Variants in EPHB1 observed in about 807,000 individuals in gnomAD.
The protein encoded by EPHB1 is EPH receptor B1.
Under a neutral mutation model 94.4 loss-of-function variants are expected in EPHB1, and 30 were observed. That is an observed-to-expected ratio of 0.32 (90% CI 0.24 to 0.43). The LOEUF (loss-of-function observed/expected upper bound fraction) is 0.43. Among genes scored for constraint, EPHB1 ranks in the 20% least tolerant of loss-of-function variants. The pLI is 1.00. For synonymous variants in EPHB1, 522 were observed against 489.1 expected, an observed-to-expected ratio of 1.07 and a Z score of -0.89; for missense variants, 1,055 against 1,308.3, an observed-to-expected ratio of 0.81 and a Z score of 2.99.
At chr3:134,999,139 G>A (rs1935093007) in intron 3 of EPHB1, among the ~76,000 whole-genome samples, 1 of 152,190 alleles carries the variant, frequency 6.6e-6, no homozygotes, top group Non-Finnish European at 1.5e-5. Flanking sequence ...CCATGATGGA[G>A]ACAACCCCTT....
chr3:135,046,151 A>T (rs1035973985), intron 3 of EPHB1, among the ~76,000 whole-genome samples: 5 of 152,218 alleles, frequency 3.3e-5, no homozygotes, highest in African/African-American at 9.6e-5. Context: ...TTTTTCATAA[A>T]AATATGTTCT....
intron 3 of EPHB1, among the ~76,000 whole-genome samples, chr3:135,038,420 G>C (rs1315143738): frequency 1.3e-5 from 2 of 152,188 alleles, no homozygotes; most frequent in Non-Finnish European, 2.9e-5. Flanking sequence ...CTGCTCCTCT[G>C]CAAGAGGGGA....
intron 3 of EPHB1, among the ~76,000 whole-genome samples, chr3:135,051,851 G>T (rs1055240660): frequency 1.3e-5 from 2 of 152,154 alleles, no homozygotes; most frequent in African/African-American, 4.8e-5. Context: ...AATCACCTTA[G>T]AATGTTGTTA....
At chr3:134,978,198 T>TCAA (rs765936284) in intron 3 of EPHB1, 4 of 312,066 alleles carry the variant, frequency 1.3e-5, no homozygotes, top group Non-Finnish European at 2.5e-5. Flanking sequence ...GTGGAAGAGC[T>TCAA]CAACCTTCCC....
At chr3:134,796,353 C>A (rs79798930) in intron 1 of EPHB1, 7,361 of 154,320 alleles carry the variant, frequency 0.048, 438 homozygotes, top group African/African-American at 0.14. Context: ...GAGGTGGAAA[C>A]CCTTTTCGCC....
chr3:135,104,350 G>A (rs767615630), intron 3 of EPHB1, among the ~76,000 whole-genome samples: 1 of 152,202 alleles, frequency 6.6e-6, no homozygotes, highest in Non-Finnish European at 1.5e-5. Flanking sequence ...GTAAGCCAGA[G>A]TCTCCTCGGA....
At chr3:135,149,035 G>A (rs750105756) in intron 5 of EPHB1, among the ~76,000 whole-genome samples, 9 of 152,152 alleles carry the variant, frequency 5.9e-5, no homozygotes, top group Admixed American at 6.6e-5. Context: ...TGTTGGGTCA[G>A]CCTCTTCATT....
intron 3 of EPHB1, among the ~76,000 whole-genome samples, chr3:134,973,000 G>T (rs1242077756): frequency 1.3e-5 from 2 of 152,198 alleles, no homozygotes; most frequent in Non-Finnish European, 2.9e-5. Context: ...GGCCCAGGGG[G>T]GTTGGTCTGG....
At chr3:134,821,374 T>G (rs2036377466) in intron 1 of EPHB1, among the ~76,000 whole-genome samples, 2 of 151,824 alleles carry the variant, frequency 1.3e-5, no homozygotes, top group African/African-American at 4.8e-5. Flanking sequence ...CATCACAGGA[T>G]TTTTAAAGTT....
chr3:135,223,130 A>G (rs914968419), intron 12 of EPHB1, among the ~76,000 whole-genome samples: 3 of 152,260 alleles, frequency 2.0e-5, no homozygotes, highest in Non-Finnish European at 2.9e-5. Context: ...ACCATTTGAC[A>G]TCAAAATTAA....
intron 5 of EPHB1, among the ~76,000 whole-genome samples, chr3:135,139,758 T>G (rs1033876578): frequency 1.3e-5 from 2 of 152,228 alleles, no homozygotes; most frequent in Admixed American, 6.5e-5. Flanking sequence ...AAAGTTAGGA[T>G]GGAACCACGT....
intron 3 of EPHB1, among the ~76,000 whole-genome samples, chr3:135,004,981 G>A (rs560911758): frequency 6.8e-4 from 104 of 152,350 alleles, no homozygotes; most frequent in African/African-American, 1.7e-3. Flanking sequence ...TCTCCGTCCA[G>A]CTTTGTTCCG....
At chr3:134,985,680 G>A (rs1934571571) in intron 3 of EPHB1, among the ~76,000 whole-genome samples, 1 of 152,128 alleles carries the variant, frequency 6.6e-6, no homozygotes, top group South Asian at 2.1e-4. Context: ...AATGAGATGA[G>A]TAACATGCCC....
At chr3:134,967,375 A>G (rs9875045) in intron 3 of EPHB1, among the ~76,000 whole-genome samples, 21,155 of 152,162 alleles carry the variant, frequency 0.14, 1,523 homozygotes, top group South Asian at 0.19. Context: ...CATGGGTTTG[A>G]AACTTGGTCC....
At chr3:135,148,337 G>A (rs963837091) in intron 5 of EPHB1, among the ~76,000 whole-genome samples, 1 of 152,168 alleles carries the variant, frequency 6.6e-6, no homozygotes, top group African/African-American at 2.4e-5. Flanking sequence ...AAAATGCTTG[G>A]CCCACGTGAA....
chr3:134,982,208 G>A (rs956901963), intron 3 of EPHB1, among the ~76,000 whole-genome samples: 1 of 152,064 alleles, frequency 6.6e-6, no homozygotes, highest in Non-Finnish European at 1.5e-5. Flanking sequence ...ACAACAAACA[G>A]ACAAAGATTA....
chr3:134,930,882 T>C (rs1156643710), intron 2 of EPHB1, among the ~76,000 whole-genome samples: 1 of 152,198 alleles, frequency 6.6e-6, no homozygotes, highest in Non-Finnish European at 1.5e-5. Context: ...TCCTTCACTC[T>C]GTAAGTTAAA....
chr3:135,133,721 G>A (rs1048313832), intron 5 of EPHB1, among the ~76,000 whole-genome samples: 8 of 152,208 alleles, frequency 5.3e-5, no homozygotes, highest in African/African-American at 1.9e-4. Flanking sequence ...CTTGTGGGAT[G>A]CATAGCTCAG....
At chr3:134,880,827 G>T (rs956350438) in intron 1 of EPHB1, among the ~76,000 whole-genome samples, 4 of 152,234 alleles carry the variant, frequency 2.6e-5, no homozygotes, top group Admixed American at 2.0e-4. Flanking sequence ...GTCTTCACAC[G>T]CAGATTAGGC....
Sources: allele counts gnomAD v4.1 joint callset (sites outside exome capture counted in the v4.1 genomes callset), GRCh38; gene constraint gnomAD v4.1.1; transcripts MANE v1.5; gene names NCBI Gene and HGNC (gene_info 2026-07-23, HGNC 2026-07-21).